BRF1: variants seen among roughly 807,000 people sequenced by gnomAD.
BRF1 encodes the protein transcription factor IIIB 90 kDa subunit.
In BRF1, 59 loss-of-function variants were observed where a neutral mutation model predicts 81.7. The ratio of observed to expected loss-of-function variants is 0.72; its 90% confidence interval spans 0.59 to 0.90. The LOEUF (loss-of-function observed/expected upper bound fraction) is 0.90, where lower values mean the gene tolerates loss of function less well. Among genes scored for constraint, BRF1 ranks in the 40% least tolerant of loss-of-function variants. BRF1 has a pLI of 0.00. For synonymous variants in BRF1, 491 were observed against 395.6 expected, an observed-to-expected ratio of 1.24 and a Z score of -2.86; for missense variants, 1,050 against 936.3, an observed-to-expected ratio of 1.12 and a Z score of -1.58.
At chr14:105,219,124 G>A (rs1225735815) in intron 13 of BRF1, 27 bp downstream of exon 13, 7 of 1,613,140 alleles carry the variant, frequency 4.3e-6, no homozygotes, top group Non-Finnish European at 5.1e-6. Flanking sequence ...TGCGTCCTGC[G>A]TGTGAGTGTG....
In BRF1 at chr14:105,300,701, G is replaced by C. The variant is rs920978491; in HGVS notation, c.-72C>G. Reference sequence around the variant, plus strand: ...GCCACCCGAGCCTCCGGAGCAGCCCGCGCCGCCCGCCCAGGCCCAGCCGCC... The same window carrying C: ...GCCACCCGAGCCTCCGGAGCAGCCCCCGCCGCCCGCCCAGGCCCAGCCGCC... On this transcript the variant is annotated 5_prime_UTR_variant, in exon 1 of 18. Transcript: ENST00000547530. 6.5e-5 allele frequency: 76 copies of C among 1,177,646 alleles called. No individual in the cohort carries two copies. The African/African-American group carries it at 9.9e-4, about 15-fold the overall frequency. The allele number at this position is 1,177,646 out of a possible 1,614,324, so 72.9% of individuals were successfully genotyped here.
chr14:105,214,909 C>G (rs919124898), intron 15 of BRF1, among the ~76,000 whole-genome samples: 2 of 152,186 alleles, frequency 1.3e-5, no homozygotes, highest in Non-Finnish European at 2.9e-5. Context: ...AAAAGCTGCC[C>G]CCATGGGCTG....
intron 5 of BRF1, chr14:105,249,435 C>G: frequency 6.2e-7 from 1 of 1,613,642 alleles, no homozygotes; most frequent in Non-Finnish European, 8.5e-7. Context: ...ATCTGAAATT[C>G]ACATTCCAGA....
At chr14:105,297,399 T>A (rs1276051413) in intron 1 of BRF1, among the ~76,000 whole-genome samples, 3 of 151,472 alleles carry the variant, frequency 2.0e-5, no homozygotes, top group Non-Finnish European at 4.4e-5. Context: ...AAACCCCGTC[T>A]CTACTAAAAA....
upstream of BRF1, among the ~76,000 whole-genome samples, chr14:105,302,492 C>G (rs776354170): frequency 6.7e-6 from 1 of 148,314 alleles, no homozygotes; most frequent in Non-Finnish European, 1.5e-5. Flanking sequence ...CATGAGCCAC[C>G]GTGCATGGCC....
At chr14:105,246,345 C>T (rs1595368778) in intron 5 of BRF1, among the ~76,000 whole-genome samples, 1 of 152,058 alleles carries the variant, frequency 6.6e-6, no homozygotes, top group Non-Finnish European at 1.5e-5. Context: ...AACCACATGA[C>T]ACTACCTCAT....
intron 2 of BRF1, among the ~76,000 whole-genome samples, chr14:105,279,918 C>A (rs886719502): frequency 3.9e-5 from 6 of 152,248 alleles, no homozygotes; most frequent in African/African-American, 1.4e-4. Flanking sequence ...TCTAGAACGG[C>A]TCCAGCCCAG....
At chr14:105,302,867 C>T (rs2058080630), upstream of BRF1, among the ~76,000 whole-genome samples, 1 of 151,846 alleles carries the variant, frequency 6.6e-6, no homozygotes, top group Admixed American at 6.6e-5. Flanking sequence ...AGGCATGAGC[C>T]ACTGCTCCCC....
At chr14:105,278,964 C>A (rs1016902003) in intron 2 of BRF1, among the ~76,000 whole-genome samples, 1 of 151,940 alleles carries the variant, frequency 6.6e-6, no homozygotes, top group Non-Finnish European at 1.5e-5. Flanking sequence ...GAATCGCTTG[C>A]ACCCATGAGG....
Position 105,226,667 on chromosome 14 carries a change from G to A in BRF1, c.882C>T (p.Tyr294=). ...DLEEECDPPS[Y]TAGQRKLRMK... is the part of the protein sequence containing the mutation. ...TCCGCAGCTTCCTCTGCCCAGCTGT[G>A]TACGAGGGGGGGTCGCACTCCTCCT... The change falls in exon 8 of 18, where the codon TAC becomes TAT. Residue 294 remains tyrosine (Y), a synonymous_variant. Transcript: ENST00000547530. The A allele has an allele frequency of 1.2e-6, 2 of 1,613,502 alleles. No homozygotes were observed. Among genetic ancestry groups the A allele is most frequent in the Non-Finnish European group, 1.7e-6 (2 of 1,180,028 alleles).
intron 2 of BRF1, among the ~76,000 whole-genome samples, chr14:105,274,077 T>C (rs986237398): frequency 2.0e-5 from 3 of 152,248 alleles, no homozygotes; most frequent in Non-Finnish European, 4.4e-5. Context: ...TTAGACACGT[T>C]GGTAGCAATA....
At chr14:105,228,613 G>T (rs954471398) in intron 7 of BRF1, among the ~76,000 whole-genome samples, 1 of 151,978 alleles carries the variant, frequency 6.6e-6, no homozygotes, top group African/African-American at 2.4e-5. Context: ...GCCCCAGAAG[G>T]ACTAGCAGGG....
At chr14:105,277,953 A>C (rs935304758) in intron 2 of BRF1, among the ~76,000 whole-genome samples, 6 of 152,072 alleles carry the variant, frequency 3.9e-5, no homozygotes, top group Non-Finnish European at 8.8e-5. Flanking sequence ...ACAGGGTTTC[A>C]CACTGTTGGC....
chr14:105,274,160 C>T (rs978707472), intron 2 of BRF1, among the ~76,000 whole-genome samples: 1 of 152,202 alleles, frequency 6.6e-6, no homozygotes, highest in Admixed American at 6.5e-5. Flanking sequence ...TGTGCACATC[C>T]AGGCATAGTA....
intron 5 of BRF1, 188 bp from the exon 6 acceptor site, chr14:105,241,602 G>C (rs587658505): frequency 1.3e-6 from 1 of 742,658 alleles, no homozygotes; most frequent in African/African-American, 1.8e-5. Flanking sequence ...CCGAACCCAG[G>C]AGAGCCACTG....
chr14:105,248,517 G>C, intron 5 of BRF1: 6 of 978,790 alleles, frequency 6.1e-6, no homozygotes, highest in Non-Finnish European at 7.3e-6. Context: ...GACGTCGCGC[G>C]GGGCGCGGCC....
Position 105,218,048 on chromosome 14 carries a change from C to G in BRF1, c.1516-248G>C, listed in dbSNP as rs587621423. On this transcript the variant is annotated intron_variant, in intron 14 of 17. Transcript: ENST00000547530. ...CATGGGTGCTGGCAGGGCCTCCAGACAGCAACAGCAGCAAACATGCCACAG... is the reference window on the plus strand; with the variant it reads ...CATGGGTGCTGGCAGGGCCTCCAGAGAGCAACAGCAGCAAACATGCCACAG... Among the ~76,000 whole-genome samples the G allele has an allele frequency of 1.3e-3, 202 of 152,312 alleles. 1 individual carries two copies. Among genetic ancestry groups the G allele is most frequent in the African/African-American group, 4.8e-3 (200 of 41,582 alleles).
At chr14:105,223,013 A>T (rs1389742011) in intron 10 of BRF1, among the ~76,000 whole-genome samples, 1 of 152,116 alleles carries the variant, frequency 6.6e-6, no homozygotes, top group Non-Finnish European at 1.5e-5. Flanking sequence ...GCAACACAGC[A>T]AGATCCTGTC....
upstream of BRF1, among the ~76,000 whole-genome samples, chr14:105,304,331 A>C (rs944508331): frequency 6.6e-6 from 1 of 152,154 alleles, no homozygotes; most frequent in Non-Finnish European, 1.5e-5. Context: ...TTTCCAAAAA[A>C]TACAAAAATT....
Sources: gnomAD v4.1 joint callset for allele counts (sites outside exome capture counted in the v4.1 genomes callset) on GRCh38, gnomAD v4.1.1 for gene constraint, MANE v1.5 for transcripts, NCBI Gene and HGNC (gene_info 2026-07-23, HGNC 2026-07-21) for gene names.